The following PRKCA variants were observed in gnomAD, a reference collection of about 807,000 sequenced individuals.
PRKCA encodes protein kinase C alpha.
PRKCA carries 27 observed loss-of-function variants against 87.0 expected under a neutral mutation model. The observed-to-expected ratio is 0.31, with a 90% CI of 0.23 to 0.43. The LOEUF (loss-of-function observed/expected upper bound fraction) is 0.43. Among genes scored for constraint, PRKCA ranks in the 20% least tolerant of loss-of-function variants. The pLI is 1.00. For synonymous variants in PRKCA, 329 were observed against 311.1 expected, an observed-to-expected ratio of 1.06 and a Z score of -0.61; for missense variants, 518 against 852.3, an observed-to-expected ratio of 0.61 and a Z score of 4.88.
chr17:66,374,944 G>A (rs1909337617), intron 2 of PRKCA, among the ~76,000 whole-genome samples: 1 of 151,880 alleles, frequency 6.6e-6, no homozygotes, highest in African/African-American at 2.4e-5. Context: ...TGCTGCCCAG[G>A]GTGGTCTCAA....
chr17:66,586,710 G>A (rs1367026880), intron 3 of PRKCA, among the ~76,000 whole-genome samples: 2 of 152,162 alleles, frequency 1.3e-5, no homozygotes, highest in Admixed American at 1.3e-4. Context: ...CTCCCTAGGT[G>A]GCTCAGTGTT....
intron 3 of PRKCA, among the ~76,000 whole-genome samples, chr17:66,538,824 T>C (rs777754427): frequency 1.3e-5 from 2 of 152,156 alleles, no homozygotes; most frequent in Non-Finnish European, 2.9e-5. Context: ...AGCATTCCAG[T>C]TAGCAAACTA....
intron 16 of PRKCA, among the ~76,000 whole-genome samples, chr17:66,798,489 CGGTGGTGGTGGT>C (rs1231146721): frequency 0.037 from 51 of 1,388 alleles, no homozygotes; most frequent in East Asian, 0.06. Flanking sequence ...GTGGTGGTGA[CGGTGGTGGTGGT>C]GGTGGTGACG....
In PRKCA at chr17:66,775,354, A is replaced by G. The variant is rs1975023845; in HGVS notation, c.1605+1287A>G. 3 of 985,078 alleles carry G rather than the reference A, an allele frequency of 3.0e-6. No homozygotes were observed. The South Asian group carries it at 1.4e-4, about 46-fold the overall frequency. The allele number at this position is 985,078 out of a possible 1,614,324, so 61.0% of individuals were successfully genotyped here. On this transcript the variant is annotated intron_variant, in intron 14 of 16. Transcript: ENST00000413366. ...CGAGCACAGATCAGTTACATAGGAT[A>G]TCTTAGGGGCCGGCCTAGAAATGGC... is the stretch of plus-strand genomic sequence containing the variant.
At chr17:66,551,378 G>A (rs1280362781) in intron 3 of PRKCA, among the ~76,000 whole-genome samples, 1 of 152,248 alleles carries the variant, frequency 6.6e-6, no homozygotes, top group African/African-American at 2.4e-5. Context: ...TGGGGCTGCG[G>A]CCATCTCAAG....
At chr17:66,642,955 G>A (rs1971345712) in intron 4 of PRKCA, among the ~76,000 whole-genome samples, 1 of 152,098 alleles carries the variant, frequency 6.6e-6, no homozygotes, top group African/African-American at 2.4e-5. Context: ...CAGGAGAATT[G>A]CTTGAACCCA....
intron 2 of PRKCA, among the ~76,000 whole-genome samples, chr17:66,424,759 C>CT (rs1392976165): frequency 3.3e-5 from 5 of 151,424 alleles, no homozygotes; most frequent in Non-Finnish European, 5.9e-5. Flanking sequence ...CCCCCACCGC[C>CT]TTTTTTTTGT....
At chr17:66,338,804 C>G (rs992900603) in intron 2 of PRKCA, among the ~76,000 whole-genome samples, 1 of 152,190 alleles carries the variant, frequency 6.6e-6, no homozygotes, top group African/African-American at 2.4e-5. Flanking sequence ...GAGTTTCATA[C>G]AGCGGTGTCT....
rs200719230 is a variant in PRKCA at position 66,765,518 on chromosome 17, T to TTGTCTTTATATATATA, written c.1525-8435_1525-8420dup. 2.9e-4 allele frequency among the ~76,000 whole-genome samples: 42 copies of TTGTCTTTATATATATA among 143,348 alleles called. 1 individual carries two copies. Among genetic ancestry groups the TTGTCTTTATATATATA allele is most frequent in the Middle Eastern group, 7.3e-3 (2 of 274 alleles). 94.0% of individuals were successfully genotyped at this position (143,348 alleles called of 152,430 possible). On this transcript the variant is annotated intron_variant, in intron 13 of 16. Coordinates refer to ENST00000413366, the MANE Select transcript of PRKCA (RefSeq NM_002737.3). Reference sequence around the variant, plus strand: ...TCTTTATATATATATGTCTTTATATTTGTCTTTATATATATATGTCTTTAT... The same window carrying TTGTCTTTATATATATA: ...TCTTTATATATATATGTCTTTATATTTGTCTTTATATATATATGTCTTTATATATATATGTCTTTAT...
intron 2 of PRKCA, among the ~76,000 whole-genome samples, chr17:66,478,208 C>T (rs1034970136): frequency 9.9e-5 from 15 of 152,132 alleles, no homozygotes; most frequent in African/African-American, 3.6e-4. Flanking sequence ...GGAATAGTCA[C>T]TTGTGCATTC....
At chr17:66,550,137 T>C (rs945714622) in intron 3 of PRKCA, among the ~76,000 whole-genome samples, 1 of 152,172 alleles carries the variant, frequency 6.6e-6, no homozygotes. Flanking sequence ...GTGCAGAGTT[T>C]TACTCTTTTT....
intron 3 of PRKCA, among the ~76,000 whole-genome samples, chr17:66,629,598 G>A (rs1328770735): frequency 6.6e-6 from 1 of 152,208 alleles, no homozygotes; most frequent in African/African-American, 2.4e-5. Flanking sequence ...TAATTTAGAT[G>A]CTTCTTGTAT....
chr17:66,483,785 C>T (rs1254408256), intron 2 of PRKCA, among the ~76,000 whole-genome samples: 1 of 151,970 alleles, frequency 6.6e-6, no homozygotes, highest in East Asian at 1.9e-4. Flanking sequence ...TGTAAGGATG[C>T]CAGTCATATT....
At chr17:66,495,925 C>T (rs1011541549) in intron 2 of PRKCA, among the ~76,000 whole-genome samples, 1 of 152,144 alleles carries the variant, frequency 6.6e-6, no homozygotes, top group African/African-American at 2.4e-5. Context: ...GGGAAACTGT[C>T]TTACAATCTG....
intron 2 of PRKCA, among the ~76,000 whole-genome samples, chr17:66,494,413 G>A (rs1324651236): frequency 2.0e-5 from 3 of 152,170 alleles, no homozygotes; most frequent in Non-Finnish European, 2.9e-5. Flanking sequence ...GCTCCCAGGG[G>A]GAGGAAGACC....
At chr17:66,763,402 G>A (rs1373449578) in intron 13 of PRKCA, among the ~76,000 whole-genome samples, 1 of 152,172 alleles carries the variant, frequency 6.6e-6, no homozygotes, top group Non-Finnish European at 1.5e-5. Context: ...TCAAACCCAA[G>A]ATCCCAGCTG....
rs150327250 is a variant in PRKCA at position 66,663,035 on chromosome 17, G to T, written c.529+17524G>T. Among the ~76,000 whole-genome samples, 10 of 152,282 alleles carry T rather than the reference G, an allele frequency of 6.6e-5. No homozygotes were observed. The East Asian group carries it at 1.7e-3, about 26-fold the overall frequency. ...GATAGCAGATCCCTCTTCTGCTGGC[G>T]GATGGAGGAAGGATACCCTTGCCGG... On this transcript the variant is annotated intron_variant, in intron 5 of 16. Transcript: ENST00000413366.
chr17:66,572,093 G>A (rs901067786), intron 3 of PRKCA, among the ~76,000 whole-genome samples: 8 of 152,194 alleles, frequency 5.3e-5, no homozygotes, highest in African/African-American at 7.2e-5. Flanking sequence ...TGGTAAGTGC[G>A]TAATACCTCT....
At chr17:66,415,090 G>A (rs1912057409) in intron 2 of PRKCA, 1 of 151,308 alleles carries the variant, frequency 6.6e-6, no homozygotes, top group African/African-American at 2.4e-5. Flanking sequence ...TTCACAAATG[G>A]GCTTGGATTA....
Sources: allele counts gnomAD v4.1 joint callset (sites outside exome capture counted in the v4.1 genomes callset), GRCh38; gene constraint gnomAD v4.1.1; transcripts MANE v1.5; gene names NCBI Gene and HGNC (gene_info 2026-07-23, HGNC 2026-07-21).